NARS2: variants seen among roughly 807,000 people sequenced by gnomAD.
The protein encoded by NARS2 is asparaginyl-tRNA synthetase 2, mitochondrial, also known as asparaginyl-tRNA synthetase.
In NARS2, 60 loss-of-function variants were observed where a neutral mutation model predicts 62.9. The ratio of observed to expected loss-of-function variants is 0.95; its 90% CI spans 0.77 to 1.18. The LOEUF is 1.18. NARS2 is among the 50% of genes most tolerant of loss of function. The probability of loss-of-function intolerance (pLI) is 0.00; values close to 1 mark genes in which losing one functional copy is unlikely to be tolerated. For missense variants in NARS2, 619 were observed against 576.4 expected, an observed-to-expected ratio of 1.07 and a Z score of -0.76; for synonymous variants, 196 against 200.0, an observed-to-expected ratio of 0.98 and a Z score of 0.17.
chr11:78,553,375 A>G (rs4944207), intron 5 of NARS2, among the ~76,000 whole-genome samples: 104,493 of 151,622 alleles, frequency 0.69, 37,708 homozygotes, highest in Non-Finnish European at 0.81. Context: ...TGCAACCTGC[A>G]CCTCCCGGGT....
intron 6 of NARS2, among the ~76,000 whole-genome samples, chr11:78,522,880 T>C (rs927211972): frequency 3.3e-5 from 5 of 152,180 alleles, no homozygotes; most frequent in African/African-American, 1.2e-4. Flanking sequence ...GGTTCATGCA[T>C]GGCAGTATTC....
intron 5 of NARS2, among the ~76,000 whole-genome samples, chr11:78,539,805 CT>C: frequency 6.6e-6 from 1 of 152,326 alleles, no homozygotes; most frequent in South Asian, 2.1e-4. Flanking sequence ...TCCTGCGTAA[CT>C]AAGCCTTTTC....
chr11:78,471,428 G>A (rs1379521422), intron 9 of NARS2, among the ~76,000 whole-genome samples: 1 of 152,118 alleles, frequency 6.6e-6, no homozygotes, highest in Non-Finnish European at 1.5e-5. Context: ...TCACTTCAAC[G>A]TAGTGAAAGC....
intron 6 of NARS2, among the ~76,000 whole-genome samples, chr11:78,514,446 A>G (rs1039097102): frequency 8.5e-5 from 13 of 152,168 alleles, no homozygotes; most frequent in African/African-American, 2.9e-4. Context: ...AGCAGTGCAA[A>G]AATTGCCTAA....
chr11:78,533,726 A>G (rs1861564436), intron 5 of NARS2, among the ~76,000 whole-genome samples: 1 of 152,230 alleles, frequency 6.6e-6, no homozygotes, highest in South Asian at 2.1e-4. Flanking sequence ...TTGGACAAAT[A>G]CATACTGACA....
chr11:78,469,189 TAA>T, intron 10 of NARS2, 56 bp downstream of exon 10: 1 of 1,173,566 alleles, frequency 8.5e-7, no homozygotes, highest in Non-Finnish European at 1.3e-6. Context: ...CACAGTAAGC[TAA>T]AGACAAGAAG....
intron 6 of NARS2, among the ~76,000 whole-genome samples, chr11:78,502,629 T>C (rs1860324212): frequency 6.6e-6 from 1 of 152,216 alleles, no homozygotes; most frequent in African/African-American, 2.4e-5. Flanking sequence ...TAGACAGTGA[T>C]GTTGGTTGTA....
intron 2 of NARS2, 48 bp downstream of exon 2, chr11:78,571,287 G>A (rs1056702322): frequency 1.4e-5 from 17 of 1,199,344 alleles, no homozygotes; most frequent in South Asian, 7.4e-5. Context: ...AGAAGCACTA[G>A]AGGTGAAAAA....
intron 6 of NARS2, among the ~76,000 whole-genome samples, chr11:78,503,846 G>A (rs1860379901): frequency 6.6e-6 from 1 of 152,186 alleles, no homozygotes. Flanking sequence ...GAAGGAGGAG[G>A]AGGAGGAGAA....
At chr11:78,441,188 C>G (rs1857567545) in intron 12 of NARS2, 71 bp from the exon 13 acceptor site, 2 of 1,395,102 alleles carry the variant, frequency 1.4e-6, no homozygotes, top group East Asian at 4.6e-5. Context: ...GACATTTATT[C>G]TGGGTGTGTG....
At chr11:78,510,932 A>G (rs182464976) in intron 6 of NARS2, among the ~76,000 whole-genome samples, 54 of 152,356 alleles carry the variant, frequency 3.5e-4, no homozygotes, top group African/African-American at 1.2e-3. Context: ...TTTCATTTAT[A>G]TAAGATTCTA....
Position 78,574,676 on chromosome 11 carries a change from G to A in NARS2, c.-188C>T. 1.6e-6 allele frequency: 1 copy of A among 618,062 alleles called. No homozygotes were observed. Among genetic ancestry groups the A allele is most frequent in the African/African-American group, 1.9e-5 (1 of 53,572 alleles). The allele number at this position is 618,062 out of a possible 1,614,324, so 38.3% of individuals were successfully genotyped here. ...AGCTCTGTCCCCACAGAACCTCTCCGCTTCCCACTTCCCAACGGGGCGGAA... is the reference window on the plus strand; with the variant it reads ...AGCTCTGTCCCCACAGAACCTCTCCACTTCCCACTTCCCAACGGGGCGGAA... On this transcript the variant is annotated 5_prime_UTR_variant, in exon 1 of 14. Transcript: ENST00000281038.
intron 10 of NARS2, 116 bp from the exon 11 acceptor site, chr11:78,466,129 G>A: frequency 6.7e-6 from 7 of 1,051,232 alleles, no homozygotes; most frequent in Non-Finnish European, 9.6e-6. Flanking sequence ...GGCTCCATGT[G>A]TGGAGCTAGC....
At chr11:78,561,273 T>A (rs1339826673) in intron 4 of NARS2, among the ~76,000 whole-genome samples, 1 of 152,160 alleles carries the variant, frequency 6.6e-6, no homozygotes, top group African/African-American at 2.4e-5. Flanking sequence ...AATACAGCCG[T>A]GCAAACAAAG....
chr11:78,562,203 T>G (rs1856580214), intron 4 of NARS2, among the ~76,000 whole-genome samples: 1 of 152,056 alleles, frequency 6.6e-6, no homozygotes, highest in South Asian at 2.1e-4. Context: ...CAGGCAGGAT[T>G]GCTTGGGCCT....
chr11:78,438,528 A>G (rs902870279), intron 13 of NARS2, among the ~76,000 whole-genome samples: 3 of 152,216 alleles, frequency 2.0e-5, no homozygotes, highest in Non-Finnish European at 4.4e-5. Context: ...ATACATTGAT[A>G]TTGAAACACT....
At chr11:78,466,050 C>A in intron 10 of NARS2, 37 bp from the exon 11 acceptor site, 1 of 1,550,568 alleles carries the variant, frequency 6.4e-7, no homozygotes. Context: ...AAAGAGGAGA[C>A]AGAGGTGAAA....
chr11:78,571,414 C>T lies in NARS2; in HGVS notation c.172G>A (p.Glu58Lys). The change falls in exon 2 of 14, where the codon GAA (glutamate) becomes AAA (lysine). Residue 58 changes from glutamate to lysine, a missense_variant. Coordinates refer to ENST00000281038, the MANE Select transcript of NARS2 (RefSeq NM_024678.6). ...GWIRSVRSQK[E>K]VLFLHVNDGS... ...TCATTTACATGCAGGAACAAGACTTCCTTCTGGGATCGGACAGAACGAATC... is the reference window on the plus strand; with the variant it reads ...TCATTTACATGCAGGAACAAGACTTTCTTCTGGGATCGGACAGAACGAATC... 1.2e-6 allele frequency: 2 copies of T among 1,613,322 alleles called. No individual in the cohort carries two copies. The highest frequency in any genetic ancestry group is 2.2e-5 in the South Asian group (2 of 90,986).
intron 5 of NARS2, among the ~76,000 whole-genome samples, chr11:78,549,253 G>A (rs979376859): frequency 2.0e-5 from 3 of 152,188 alleles, no homozygotes; most frequent in Admixed American, 1.3e-4. Context: ...AGAAACCTGG[G>A]CTGCTGCCTC....
Sources: allele counts gnomAD v4.1 joint callset (sites outside exome capture counted in the v4.1 genomes callset), GRCh38; gene constraint gnomAD v4.1.1; transcripts MANE v1.5; gene names NCBI Gene and HGNC (gene_info 2026-07-23, HGNC 2026-07-21).